PLEKHG6: variants seen among roughly 807,000 people sequenced by gnomAD.
PLEKHG6 encodes the protein pleckstrin homology and RhoGEF domain containing G6, also known as pleckstrin homology domain-containing family G member 6.
A neutral mutation model predicts 97.5 loss-of-function variants in PLEKHG6; 91 were observed. The ratio of observed to expected loss-of-function variants is 0.93; its 90% CI spans 0.79 to 1.11. The LOEUF is 1.11. Ranked by LOEUF, PLEKHG6 falls within the 50% of genes most tolerant of loss-of-function variation. PLEKHG6 has a pLI of 0.00. For missense variants in PLEKHG6, 1,044 were observed against 1,031.0 expected, an observed-to-expected ratio of 1.01 and a Z score of -0.17; for synonymous variants, 466 against 425.5, an observed-to-expected ratio of 1.10 and a Z score of -1.17.
At chr12:6,312,474 C>G (rs757804258) in intron 2 of PLEKHG6, 110 bp downstream of exon 2, 41 of 1,263,790 alleles carry the variant, frequency 3.2e-5, no homozygotes, top group Non-Finnish European at 4.2e-5. Flanking sequence ...ATTCCTGCCC[C>G]TTACCCTACT....
intron 13 of PLEKHG6, among the ~76,000 whole-genome samples, chr12:6,325,448 T>C (rs1405063191): frequency 6.6e-6 from 1 of 152,150 alleles, no homozygotes; most frequent in Non-Finnish European, 1.5e-5. Flanking sequence ...GCTTTGAAAA[T>C]TTTTTCTCAG....
chr12:6,311,639 G>C (rs1369787207), intron 1 of PLEKHG6, among the ~76,000 whole-genome samples: 1 of 152,172 alleles, frequency 6.6e-6, no homozygotes, highest in Non-Finnish European at 1.5e-5. Flanking sequence ...TGCAGGGGGG[G>C]CAGCAGTTGT....
At chr12:6,322,876 G>A (rs1308809642) in intron 13 of PLEKHG6, among the ~76,000 whole-genome samples, 1 of 150,240 alleles carries the variant, frequency 6.7e-6, no homozygotes, top group African/African-American at 2.5e-5. Flanking sequence ...GTGAGACCTT[G>A]TCTAAAAAAA....
In PLEKHG6 at chr12:6,316,180, C is replaced by T. The variant is rs1947451131; in HGVS notation, c.607-75C>T. Reference sequence around the variant, plus strand: ...GCCCCTGCTGTCCAAGCTTAAGGTCCTCACCTTTCCTCAGCCAGTGCCACC... The same window carrying T: ...GCCCCTGCTGTCCAAGCTTAAGGTCTTCACCTTTCCTCAGCCAGTGCCACC... On this transcript the variant is annotated intron_variant, in intron 6 of 15. Transcript: ENST00000684764. This position sits in a 1 kb window ranked among gnomAD's most constrained non-coding sequence, Gnocchi z 4.1. 2.1e-6 allele frequency: 3 copies of T among 1,420,630 alleles called. No homozygotes were observed. In the Admixed American group the frequency reaches 7.4e-5, roughly 35 times the overall value. 88.0% of individuals were successfully genotyped at this position (1,420,630 alleles called of 1,614,324 possible).
rs765903420 is a variant in PLEKHG6, at chr12:6,313,747, A to G, written c.257A>G (p.His86Arg). The change falls in exon 3 of 16, where the codon CAT (histidine) becomes CGT (arginine). Residue 86 changes from histidine to arginine, a missense_variant. Coordinates refer to ENST00000684764, the MANE Select transcript of PLEKHG6 (RefSeq NM_001384598.1). ...DPEPEKRHGG[H>R]VGAGLLHSPK... is the part of the protein sequence containing the mutation. ...GAGCCCGAGAAGAGGCACGGGGGCC[A>G]TGTGGGGGCTGGCCTGCTTCACTCC... 3 of 1,607,046 alleles carry G rather than the reference A, an allele frequency of 1.9e-6. No individual in the cohort carries two copies. In the African/African-American group the frequency reaches 4.0e-5, roughly 22 times the overall value.
chr12:6,313,189 G>A lies in PLEKHG6; in HGVS notation c.139-440G>A, dbSNP rs929283200. 10 of 1,549,796 alleles carry A rather than the reference G, an allele frequency of 6.5e-6. No individual in the cohort carries two copies. In the Admixed American group the frequency reaches 1.4e-4, roughly 21 times the overall value. On this transcript the variant is annotated intron_variant, in intron 2 of 15. Coordinates refer to ENST00000684764, the MANE Select transcript of PLEKHG6 (RefSeq NM_001384598.1). Reference sequence around the variant, plus strand: ...CCCCTGGGGAGAAGGCTGCACATGTGAGTGCCCTCGTCCCCATGTGTGAGG... The same window carrying A: ...CCCCTGGGGAGAAGGCTGCACATGTAAGTGCCCTCGTCCCCATGTGTGAGG...
rs1265062648 is a variant in PLEKHG6 at position 6,315,757 on chromosome 12, C to T, written c.555+108C>T. 18 of 1,224,538 alleles carry T rather than the reference C, an allele frequency of 1.5e-5. No individual in the cohort carries two copies. Among genetic ancestry groups the T allele is most frequent in the Non-Finnish European group, 2.1e-5 (18 of 867,624 alleles). 75.9% of individuals were successfully genotyped at this position (1,224,538 alleles called of 1,614,324 possible). On this transcript the variant is annotated intron_variant, in intron 5 of 15. Transcript: ENST00000684764. This position sits in a 1 kb window ranked among gnomAD's most constrained non-coding sequence, Gnocchi z 4.5. ...GGGAGGGAGGGGCAGGATTTCAGGC[C>T]AGTCTGGGATGCAGGGAGATAGGTC...
At chr12:6,321,684 G>A (rs1340382757) in intron 13 of PLEKHG6, among the ~76,000 whole-genome samples, 3 of 151,870 alleles carry the variant, frequency 2.0e-5, no homozygotes, top group African/African-American at 4.8e-5. Context: ...AAAATTAGCC[G>A]GGCGCGGTGG....
At position 6,327,479 on chromosome 12, in the gene PLEKHG6, T is replaced by TCCCCCCCCCCCCCCCCCC; in HGVS notation, c.1900_1901insCCCCCCCCCCCCCCCCCC (p.Pro633_His634insProProProProProPro). On this transcript the variant is annotated inframe_insertion, in exon 15 of 16. Transcript: ENST00000684764. ...TGGAACTCCGGGACATCCCTCTGCG[T>TCCCCCCCCCCCCCCCCCC]CCCCACCCTCCCGACCCCCAAGCTC... 6.2e-7 allele frequency: 1 copy of TCCCCCCCCCCCCCCCCCC among 1,603,268 alleles called. No individual in the cohort carries two copies. The highest frequency in any genetic ancestry group is 8.5e-7 in the Non-Finnish European group (1 of 1,171,716).
chr12:6,314,564 G>T (rs767033203), intron 3 of PLEKHG6, among the ~76,000 whole-genome samples: 6 of 152,060 alleles, frequency 3.9e-5, no homozygotes, highest in Non-Finnish European at 8.8e-5. Flanking sequence ...CATAAAAAAT[G>T]CCATTTTATA....
At chr12:6,324,292 T>TC (rs60601739) in intron 13 of PLEKHG6, among the ~76,000 whole-genome samples, 14,947 of 121,042 alleles carry the variant, frequency 0.12, 843 homozygotes, top group Middle Eastern at 0.21. Context: ...CTCGCCCCCC[T>TC]CCCCCCCCCG....
Position 6,317,548 on chromosome 12 carries a change from G to A in PLEKHG6, c.869G>A (p.Trp290Ter). The A allele has an allele frequency of 6.2e-7, 1 of 1,613,538 alleles. No homozygotes were observed. The change falls in exon 9 of 16, where the codon TGG becomes TAG. Residue 290 changes from tryptophan (W) to a stop codon, truncating the protein, a stop_gained and splice_region_variant. Transcript: ENST00000684764. LOFTEE classifies it high-confidence loss of function. The stretch of plus-strand genomic sequence containing the variant: ...GAGCCCCACCCACCTTCCCTGCAGT[G>A]GTGTGAGAAGCACAAGCGCTCTGGG... ...TNPLFHAFVQ[W>*]CEKHKRSGRQ...
At chr12:6,319,735 G>A (rs1947638577) in intron 13 of PLEKHG6, 4 of 1,473,490 alleles carry the variant, frequency 2.7e-6, no homozygotes, top group Non-Finnish European at 3.6e-6. Flanking sequence ...ACATTTACAG[G>A]GCACTTGCTG....
intron 13 of PLEKHG6, among the ~76,000 whole-genome samples, chr12:6,324,113 A>G (rs912158479): frequency 1.3e-5 from 2 of 151,874 alleles, no homozygotes; most frequent in Non-Finnish European, 2.9e-5. Context: ...TTAAGCGCCA[A>G]TTTCCTTTTC....
At position 6,327,772 on chromosome 12, in the gene PLEKHG6, T is replaced by C. The variant is rs1158895472; in HGVS notation, c.2189T>C (p.Leu730Pro). The C allele has an allele frequency of 1.0e-5, 16 of 1,531,870 alleles. No homozygotes were observed. Among genetic ancestry groups the C allele is most frequent in the Non-Finnish European group, 1.4e-5 (16 of 1,142,962 alleles). 94.9% of individuals were successfully genotyped at this position (1,531,870 alleles called of 1,614,324 possible). A position where few individuals can be genotyped will look rare whatever the true frequency, so the allele number is the denominator to read the frequency against. The change falls in exon 15 of 16, where the codon CTG becomes CCG. Residue 730 changes from leucine (L) to proline (P), a missense_variant. Physicochemically the swap from Leu to Pro is moderately conservative, Grantham distance 98. Coordinates refer to ENST00000684764, the MANE Select transcript of PLEKHG6 (RefSeq NM_001384598.1). ...PLFLKAGHTSLRPMRAEDMLR... is the reference protein window; with the variant it reads ...PLFLKAGHTSPRPMRAEDMLR... ...TTCCTGAAAGCTGGCCACACATCCC[T>C]GCGCCCAATGCGGGCTGAGGACATG... is the stretch of plus-strand genomic sequence containing the variant.
chr12:6,314,245 G>A (rs148993952), intron 3 of PLEKHG6, among the ~76,000 whole-genome samples: 6,290 of 152,224 alleles, frequency 0.041, 187 homozygotes, highest in Middle Eastern at 0.065. Context: ...GCTCACACCT[G>A]TAATCCCAGC....
In PLEKHG6 at chr12:6,327,407, A is replaced by G; in HGVS notation, c.1824A>G (p.Leu608=). ...PTGSRSPLSR[L]RQRALRRDPR... ...GGTCCCGCTCCCCACTGAGCCGTCT[A>G]CGCCAAAGAGCCCTTCGGCGGGACC... Residue 608 remains leucine (L), a synonymous_variant, in exon 15 of 16, where the codon CTA becomes CTG. Coordinates refer to ENST00000684764, the MANE Select transcript of PLEKHG6 (RefSeq NM_001384598.1). 1 of 1,614,036 alleles carries G rather than the reference A, an allele frequency of 6.2e-7. No homozygotes were observed.
At position 6,313,630 on chromosome 12, in the gene PLEKHG6, A is replaced by G. The variant is rs1480224983; in HGVS notation, c.140A>G (p.Asp47Gly). ...RLYPRGYPVL[D>G]PSRRRLQQYV... is the part of the protein sequence containing the mutation. ...GAACTTCCCCTGCTCCTCTCCCAGG[A>G]TCCCAGTCGCCGACGCCTCCAGCAG... Residue 47 changes from aspartate to glycine, a missense_variant and splice_region_variant, in exon 3 of 16, where the codon GAT becomes GGT. Physicochemically the swap from Asp to Gly is moderately conservative, Grantham distance 94. Coordinates refer to ENST00000684764, the MANE Select transcript of PLEKHG6 (RefSeq NM_001384598.1). 2 of 1,613,816 alleles carry G rather than the reference A, an allele frequency of 1.2e-6. No homozygotes were observed. The highest frequency in any genetic ancestry group is 2.7e-5 in the African/African-American group (2 of 74,902).
At chr12:6,312,587 A>G in intron 2 of PLEKHG6, 1 of 1,284,596 alleles carries the variant, frequency 7.8e-7, no homozygotes. Flanking sequence ...CGGAGCCAGG[A>G]GAAGCCAGGC....
Sources: gnomAD v4.1 joint callset for allele counts (sites outside exome capture counted in the v4.1 genomes callset) on GRCh38, gnomAD v4.1.1 for gene constraint, Gnocchi (gnomAD v3.1) non-coding constraint, MANE v1.5 for transcripts, NCBI Gene and HGNC (gene_info 2026-07-23, HGNC 2026-07-21) for gene names.